Variants in NID1 observed in about 807,000 individuals in gnomAD.
The protein encoded by NID1 is nidogen-1.
In NID1, 76 loss-of-function variants were observed where a neutral mutation model predicts 130.6. That is an observed-to-expected ratio of 0.58 (90% CI 0.48 to 0.70). The LOEUF is 0.70. Ranked by LOEUF, NID1 falls within the 30% of genes least tolerant of loss-of-function variation. The pLI is 0.00. For synonymous variants in NID1, 665 were observed against 675.1 expected, an observed-to-expected ratio of 0.98 and a Z score of 0.23; for missense variants, 1,517 against 1,664.8, an observed-to-expected ratio of 0.91 and a Z score of 1.54.
At position 236,032,078 on chromosome 1, in the gene NID1, CTG is replaced by C. The variant is rs3830945; in HGVS notation, c.1537+321_1537+322del. On this transcript the variant is annotated intron_variant, in intron 6 of 19. Coordinates refer to ENST00000264187, the MANE Select transcript of NID1 (RefSeq NM_002508.3). Reference sequence around the variant, plus strand: ...GGCAGGCTTGATAGAATGAGGCAAACTGTGAAGTTGTGAGGTTCTACGAGCTG... The same window carrying C: ...GGCAGGCTTGATAGAATGAGGCAAACTGAAGTTGTGAGGTTCTACGAGCTG... 0.38 allele frequency among the ~76,000 whole-genome samples: 57,496 copies of C among 151,722 alleles called. 11,889 individuals carry two copies. Among genetic ancestry groups the C allele is most frequent in the African/African-American group, 0.54 (22,391 of 41,304 alleles).
At chr1:236,016,198 A>G (rs1658589520) in intron 10 of NID1, among the ~76,000 whole-genome samples, 1 of 152,000 alleles carries the variant, frequency 6.6e-6, no homozygotes, top group Admixed American at 6.6e-5. Context: ...GAAAATCTCA[A>G]CTGTGCAGAG....
At chr1:236,023,638 A>AT (rs35548936) in intron 9 of NID1, among the ~76,000 whole-genome samples, 43 of 150,988 alleles carry the variant, frequency 2.8e-4, no homozygotes, top group East Asian at 1.7e-3. Flanking sequence ...ACCGCAAACA[A>AT]TTTTTTTTTT....
chr1:236,017,111 G>A lies in NID1; in HGVS notation c.2254+37C>T, dbSNP rs776663122. On this transcript the variant is annotated intron_variant, in intron 10 of 19. Transcript: ENST00000264187. ...TTGCATAAGAGCTAATGCACACCAT[G>A]TGAATACTGTTTCGAAAAGTTACCT... 15 of 1,613,274 alleles carry A rather than the reference G, an allele frequency of 9.3e-6. No individual in the cohort carries two copies. The Admixed American group carries it at 1.5e-4, about 16-fold the overall frequency.
At chr1:236,055,580 G>A (rs915423654) in intron 1 of NID1, among the ~76,000 whole-genome samples, 3 of 151,734 alleles carry the variant, frequency 2.0e-5, no homozygotes, top group Non-Finnish European at 2.9e-5. Flanking sequence ...ACTTGAATCC[G>A]GGGGGTGGAG....
At chr1:236,025,555 C>T (rs766076973) in intron 8 of NID1, among the ~76,000 whole-genome samples, 7 of 152,184 alleles carry the variant, frequency 4.6e-5, no homozygotes, top group Non-Finnish European at 8.8e-5. Context: ...AGCCACTGGA[C>T]CTGGCCTACA....
At chr1:236,024,286 T>C in intron 8 of NID1, 73 bp from the exon 9 acceptor site, 1 of 1,557,012 alleles carries the variant, frequency 6.4e-7, no homozygotes, top group Non-Finnish European at 8.7e-7. Flanking sequence ...CCACAGAAAG[T>C]CAACCACAAC....
chr1:235,995,702 C>T (rs1005177608), intron 12 of NID1, among the ~76,000 whole-genome samples: 2 of 152,256 alleles, frequency 1.3e-5, no homozygotes, highest in African/African-American at 4.8e-5. Flanking sequence ...AGGCACTTAA[C>T]TCCCTTCAGG....
chr1:236,018,951 T>C (rs919885780), intron 9 of NID1, among the ~76,000 whole-genome samples: 1 of 152,208 alleles, frequency 6.6e-6, no homozygotes, highest in African/African-American at 2.4e-5. Context: ...TACTGGCCTA[T>C]TGGTCAACAT....
rs748143607 is a variant in NID1 at position 236,032,590 on chromosome 1, G to T, written c.1348C>A (p.Pro450Thr). The change falls in exon 6 of 20, where the codon CCC becomes ACC. Residue 450 changes from proline to threonine, a missense_variant. Pro to Thr is a conservative substitution (Grantham distance 38). Around this residue, in one of 3 missense-constraint regions of NID1, gnomAD observed 1,329 missense variants for 1,429.2 expected, o/e 0.93. Coordinates refer to ENST00000264187, the MANE Select transcript of NID1 (RefSeq NM_002508.3). Reference sequence around the variant, plus strand: ...AGGTCAGTGTTCTCAAAGACAATGGGGACCTGGCTGCTCCCCACAAAGATC... The same window carrying T: ...AGGTCAGTGTTCTCAAAGACAATGGTGACCTGGCTGCTCCCCACAAAGATC... ...GRIFVGSSQV[P>T]IVFENTDLHS... The T allele has an allele frequency of 6.2e-7, 1 of 1,614,126 alleles. No individual in the cohort carries two copies. The highest frequency in any genetic ancestry group is 1.7e-5 in the Admixed American group (1 of 60,000).
intron 9 of NID1, among the ~76,000 whole-genome samples, chr1:236,019,368 G>A (rs945079897): frequency 2.0e-5 from 3 of 152,258 alleles, no homozygotes; most frequent in African/African-American, 7.2e-5. Context: ...CAGTGACTTA[G>A]ACTGCATTGC....
At chr1:236,011,217 T>C (rs1411253478) in intron 12 of NID1, among the ~76,000 whole-genome samples, 3 of 152,140 alleles carry the variant, frequency 2.0e-5, no homozygotes, top group African/African-American at 7.2e-5. Flanking sequence ...GGCATGAATA[T>C]ATCTGACCAA....
chr1:236,021,513 T>C (rs1276318461), intron 9 of NID1, among the ~76,000 whole-genome samples: 3 of 152,198 alleles, frequency 2.0e-5, no homozygotes, highest in Non-Finnish European at 4.4e-5. Flanking sequence ...CAGGATCTTC[T>C]AACCTTCATG....
intron 15 of NID1, among the ~76,000 whole-genome samples, chr1:235,985,068 C>G (rs2102794709): frequency 6.6e-6 from 1 of 152,072 alleles, no homozygotes; most frequent in Admixed American, 6.6e-5. Context: ...TGGCGGGCGA[C>G]TTTAGTCCCA....
chr1:236,051,209 T>C (rs534115565), intron 1 of NID1, among the ~76,000 whole-genome samples: 240 of 152,178 alleles, frequency 1.6e-3, no homozygotes, highest in Non-Finnish European at 2.2e-3. Flanking sequence ...CAACCCTCAG[T>C]TGTTAGAAGG....
At chr1:236,041,815 A>G (rs1453670548) in intron 4 of NID1, 95 bp downstream of exon 4, 2 of 1,454,820 alleles carry the variant, frequency 1.4e-6, no homozygotes, top group Non-Finnish European at 1.9e-6. Context: ...ACAAACCACC[A>G]TGTAATGCTC....
chr1:235,979,251 T>C lies in NID1; in HGVS notation c.3510-144A>G, dbSNP rs1657361378. On this transcript the variant is annotated intron_variant, in intron 18 of 19. Transcript: ENST00000264187. The surrounding 1 kb of genome is among the most constrained non-coding windows in gnomAD (Gnocchi z 4.6). ...GCCTTCTTCCTAGACATCCCTTCCT[T>C]CCCCTGGGGTGGGTCAAGCCTGCAT... 3.2e-6 allele frequency: 2 copies of C among 634,424 alleles called. No homozygotes were observed. The highest frequency in any genetic ancestry group is 2.8e-5 in the East Asian group (1 of 36,240). The allele number at this position is 634,424 out of a possible 1,614,324, so 39.3% of individuals were successfully genotyped here. A position where few individuals can be genotyped will look rare whatever the true frequency, so the allele number is the denominator to read the frequency against.
At chr1:236,013,362 G>T in intron 11 of NID1, 49 bp downstream of exon 11, 1 of 1,602,784 alleles carries the variant, frequency 6.2e-7, no homozygotes, top group Non-Finnish European at 8.5e-7. Context: ...GTACCACCTA[G>T]GAAACTTTCT....
Position 236,011,982 on chromosome 1 carries a change from G to A in NID1, c.2466C>T (p.Gly822=). 1 of 1,614,232 alleles carries A rather than the reference G, an allele frequency of 6.2e-7. No homozygotes were observed. The highest frequency in any genetic ancestry group is 8.5e-7 in the Non-Finnish European group (1 of 1,180,026). The change falls in exon 12 of 20, where the codon GGC becomes GGT. Residue 822 remains glycine (G), a synonymous_variant. Transcript: ENST00000264187. ...HPDAFCYNTP[G]SFTCQCKPGY... ...CAGGTTTGCACTGGCACGTGAAAGA[G>A]CCTGGAGTGTTGTAGCAGAAGGCGT...
chr1:235,992,516 A>G (rs369349575), intron 13 of NID1, among the ~76,000 whole-genome samples: 2 of 152,274 alleles, frequency 1.3e-5, no homozygotes, highest in South Asian at 4.1e-4. Context: ...CGTGGCTCAC[A>G]CGGTGCTGCT....
Sources: allele counts gnomAD v4.1 joint callset (sites outside exome capture counted in the v4.1 genomes callset), GRCh38; gene constraint gnomAD v4.1.1; regional missense constraint gnomAD v4.1.1; non-coding constraint Gnocchi (gnomAD v3.1); transcripts MANE v1.5; gene names NCBI Gene and HGNC (gene_info 2026-07-23, HGNC 2026-07-21).